The following PDS5A variants were observed in gnomAD, a reference collection of about 807,000 sequenced individuals.
PDS5A encodes the protein sister chromatid cohesion protein PDS5 homolog A.
In PDS5A, 42 loss-of-function variants were observed where a neutral mutation model predicts 167.1. The ratio of observed to expected loss-of-function variants is 0.25; its 90% CI spans 0.20 to 0.33. The LOEUF (loss-of-function observed/expected upper bound fraction) is 0.33, where lower values mean the gene tolerates loss of function less well. PDS5A is among the 10% of genes least tolerant of loss of function. The pLI, the probability that PDS5A is intolerant of heterozygous loss-of-function variation, is 1.00. For missense variants in PDS5A, 1,033 were observed against 1,605.9 expected, an observed-to-expected ratio of 0.64 and a Z score of 6.10; for synonymous variants, 553 against 554.6, an observed-to-expected ratio of 1.00 and a Z score of 0.04.
At chr4:39,894,267 G>C (rs953945194) in intron 16 of PDS5A, among the ~76,000 whole-genome samples, 5 of 152,050 alleles carry the variant, frequency 3.3e-5, no homozygotes, top group African/African-American at 4.8e-5. Context: ...AATTAGTCAG[G>C]CATGATGGCG....
Position 39,825,547 on chromosome 4 carries a change from C to T in PDS5A, c.4011-59G>A, listed in dbSNP as rs187202101. On this transcript the variant is annotated intron_variant, in intron 32 of 32. Coordinates refer to ENST00000303538, the MANE Select transcript of PDS5A (RefSeq NM_001100399.2). Reference sequence around the variant, plus strand: ...AGATGTGGAGAAGATATAAACCAAACGAAAATGATTTCATTTCCATAGTTG... The same window carrying T: ...AGATGTGGAGAAGATATAAACCAAATGAAAATGATTTCATTTCCATAGTTG... 5.2e-4 allele frequency: 638 copies of T among 1,233,626 alleles called. 2 individuals carry two copies. In the African/African-American group the frequency reaches 8.3e-3, roughly 16 times the overall value. 76.4% of individuals were successfully genotyped at this position (1,233,626 alleles called of 1,614,324 possible). A position where few individuals can be genotyped will look rare whatever the true frequency, so the allele number is the denominator to read the frequency against.
chr4:39,940,133 C>T (rs1167807730), intron 2 of PDS5A, among the ~76,000 whole-genome samples: 2 of 151,972 alleles, frequency 1.3e-5, no homozygotes, highest in African/African-American at 4.8e-5. Context: ...TGGCAGGTGC[C>T]TGTAATCTCA....
At chr4:39,837,427 CTG>C (rs1371481237) in intron 32 of PDS5A, 3 of 157,714 alleles carry the variant, frequency 1.9e-5, no homozygotes, top group Non-Finnish European at 4.2e-5. Flanking sequence ...AGTTGTTGAC[CTG>C]TGTTAGAATT....
chr4:39,935,598 C>A (rs1726520735), intron 2 of PDS5A, among the ~76,000 whole-genome samples: 2 of 152,080 alleles, frequency 1.3e-5, no homozygotes, highest in Non-Finnish European at 2.9e-5. Context: ...ACCATGTAGG[C>A]CTATTTCTGG....
intron 5 of PDS5A, 75 bp from the exon 6 acceptor site, chr4:39,922,823 A>G (rs1170267065): frequency 5.2e-6 from 7 of 1,354,556 alleles, no homozygotes; most frequent in Admixed American, 5.9e-5. Context: ...ATAGGAAATT[A>G]AACGTCCTAG....
intron 16 of PDS5A, among the ~76,000 whole-genome samples, chr4:39,892,243 C>G (rs932948065): frequency 1.3e-5 from 2 of 152,150 alleles, no homozygotes; most frequent in South Asian, 4.1e-4. Flanking sequence ...GTTTTGAGAC[C>G]AGCCTGACCA....
intron 4 of PDS5A, among the ~76,000 whole-genome samples, chr4:39,926,296 C>T (rs1004655089): frequency 5.9e-5 from 9 of 151,982 alleles, no homozygotes; most frequent in Admixed American, 1.3e-4. Flanking sequence ...CCAAGGTGGG[C>T]GGATCACCTG....
intron 2 of PDS5A, among the ~76,000 whole-genome samples, chr4:39,930,247 G>GTTTTTTTTTTT (rs1258661213): frequency 2.6e-4 from 16 of 61,942 alleles, no homozygotes; most frequent in Non-Finnish European, 3.9e-4. Context: ...AAAAAAAAAA[G>GTTTTTTTTTTT]TTTTTTTGTT....
chr4:39,922,646 A>C lies in PDS5A; in HGVS notation c.630T>G (p.Leu210=). ...CCTTATGTGCAGGAATGAGGTTAATAAGAATGGAGTCCAATAATTCTTGAG... is the reference window on the plus strand; with the variant it reads ...CCTTATGTGCAGGAATGAGGTTAATCAGAATGGAGTCCAATAATTCTTGAG... ...GVTQELLDSI[L]INLIPAHKNL... is the part of the protein sequence containing the mutation. Residue 210 remains leucine (L), a synonymous_variant, in exon 6 of 33, where the codon CTT becomes CTG. Transcript: ENST00000303538. 1 of 1,597,258 alleles carries C rather than the reference A, an allele frequency of 6.3e-7. No individual in the cohort carries two copies. The highest frequency in any genetic ancestry group is 2.2e-5 in the East Asian group (1 of 44,632).
At chr4:39,855,300 T>C (rs1273700107) in intron 26 of PDS5A, among the ~76,000 whole-genome samples, 2 of 152,178 alleles carry the variant, frequency 1.3e-5, no homozygotes, top group African/African-American at 2.4e-5. Context: ...ATACAGACTT[T>C]GTGAAAGTAG....
intron 17 of PDS5A, among the ~76,000 whole-genome samples, chr4:39,880,518 C>T (rs914249605): frequency 6.6e-6 from 1 of 151,666 alleles, no homozygotes; most frequent in Non-Finnish European, 1.5e-5. Context: ...AAGATATTAC[C>T]CTATTATGAG....
intron 2 of PDS5A, 110 bp downstream of exon 2, chr4:39,976,330 G>A (rs976452546): frequency 2.6e-6 from 2 of 780,170 alleles, no homozygotes; most frequent in South Asian, 1.9e-5. Context: ...TTCAGAGGGG[G>A]TAAGAGATCT....
In PDS5A at chr4:39,862,799, GA is replaced by G. The variant is rs11300861; in HGVS notation, c.2971+69del. On this transcript the variant is annotated intron_variant, in intron 25 of 32. Coordinates refer to ENST00000303538, the MANE Select transcript of PDS5A (RefSeq NM_001100399.2). ...AAACTATAATAGAAACACATGACAA[GA>G]AAAAAAAAACCTAAAAATGGATACA... 3.9e-3 allele frequency: 3,244 copies of G among 838,412 alleles called. 48 individuals carry two copies. In the African/African-American group the frequency reaches 0.043, roughly 11 times the overall value. The allele number at this position is 838,412 out of a possible 1,614,324, so 51.9% of individuals were successfully genotyped here.
intron 2 of PDS5A, among the ~76,000 whole-genome samples, chr4:39,964,037 C>T (rs1030384106): frequency 6.6e-6 from 1 of 151,890 alleles, no homozygotes; most frequent in Non-Finnish European, 1.5e-5. Flanking sequence ...CTGAAATTAG[C>T]TATTTATAAA....
chr4:39,827,135 G>C (rs999138675), intron 32 of PDS5A, among the ~76,000 whole-genome samples: 1 of 152,032 alleles, frequency 6.6e-6, no homozygotes, highest in Non-Finnish European at 1.5e-5. Context: ...TGAGTAGCTG[G>C]GACTATAGGT....
chr4:39,933,737 C>T (rs1177722361), intron 2 of PDS5A, among the ~76,000 whole-genome samples: 2 of 152,184 alleles, frequency 1.3e-5, no homozygotes, highest in Non-Finnish European at 2.9e-5. Flanking sequence ...AATGAAATTC[C>T]ATTCATTCTT....
chr4:39,938,711 C>T (rs1034319503), intron 2 of PDS5A, among the ~76,000 whole-genome samples: 3 of 152,176 alleles, frequency 2.0e-5, no homozygotes, highest in Non-Finnish European at 4.4e-5. Context: ...GTAGCTCATG[C>T]CTGTAATCCC....
At chr4:39,942,632 T>A (rs1727331119) in intron 2 of PDS5A, among the ~76,000 whole-genome samples, 1 of 152,076 alleles carries the variant, frequency 6.6e-6, no homozygotes, top group Non-Finnish European at 1.5e-5. Context: ...TGCCATGTTA[T>A]CCAGACTAGT....
Position 39,903,229 on chromosome 4 carries a change from T to C in PDS5A, c.1386-769A>G, listed in dbSNP as rs78741946. On this transcript the variant is annotated intron_variant, in intron 12 of 32. Coordinates refer to ENST00000303538, the MANE Select transcript of PDS5A (RefSeq NM_001100399.2). The stretch of plus-strand genomic sequence containing the variant: ...AAAAACAGGGGGACCCCCCTTCATA[T>C]TACTTCCAGAAAATGTAGTTTTTCC... Among the ~76,000 whole-genome samples, 574 of 152,390 alleles carry C rather than the reference T, an allele frequency of 3.8e-3. 10 individuals are homozygous for C. The highest frequency in any genetic ancestry group is 0.026 in the Admixed American group (403 of 15,302).
Sources: gnomAD v4.1 joint callset for allele counts (sites outside exome capture counted in the v4.1 genomes callset) on GRCh38, gnomAD v4.1.1 for gene constraint, MANE v1.5 for transcripts, NCBI Gene and HGNC (gene_info 2026-07-23, HGNC 2026-07-21) for gene names.